The following BAIAP2 variants were observed in gnomAD, a reference collection of about 807,000 sequenced individuals.
BAIAP2 encodes BAR/IMD domain containing adaptor protein 2.
BAIAP2 carries 18 observed loss-of-function variants against 63.0 expected under a neutral mutation model. The ratio of observed to expected loss-of-function variants is 0.29; its 90% confidence interval spans 0.20 to 0.42. BAIAP2 has a LOEUF of 0.42. Among genes scored for constraint, BAIAP2 ranks in the 10% least tolerant of loss-of-function variants. BAIAP2 has a pLI of 1.00. For missense variants in BAIAP2, 610 were observed against 734.3 expected (o/e 0.83, Z 1.96); for synonymous variants, 386 against 307.6 (o/e 1.25, Z -2.67).
At chr17:81,071,077 C>T (rs2052548722) in intron 3 of BAIAP2, among the ~76,000 whole-genome samples, 1 of 151,042 alleles carries the variant, frequency 6.6e-6, no homozygotes, top group African/African-American at 2.4e-5. Context: ...CTACCGTCAT[C>T]ACCATGGCAA....
At chr17:81,038,724 GCTTTTC>G (rs2046645262) in intron 1 of BAIAP2, among the ~76,000 whole-genome samples, 1 of 152,244 alleles carries the variant, frequency 6.6e-6, no homozygotes, top group East Asian at 1.9e-4. Context: ...CACACTGCCG[GCTTTTC>G]TGCTCCGTGC....
intron 1 of BAIAP2, among the ~76,000 whole-genome samples, chr17:81,041,723 C>A (rs374217915): frequency 6.6e-6 from 1 of 151,914 alleles, no homozygotes; most frequent in Non-Finnish European, 1.5e-5. Context: ...TACAGGCATG[C>A]GCCACCACGC....
chr17:81,073,270 G>A (rs1029339110), intron 3 of BAIAP2, among the ~76,000 whole-genome samples: 9 of 152,274 alleles, frequency 5.9e-5, no homozygotes, highest in African/African-American at 2.2e-4. Flanking sequence ...TGGTTACCCA[G>A]GAGTTCAGAA....
intron 3 of BAIAP2, among the ~76,000 whole-genome samples, chr17:81,061,494 G>T (rs1004068751): frequency 4.6e-5 from 7 of 152,180 alleles, no homozygotes; most frequent in African/African-American, 9.7e-5. Context: ...GCATGCATTT[G>T]CTGGAGTTTT....
At chr17:81,092,238 C>T (rs918536656) in intron 6 of BAIAP2, among the ~76,000 whole-genome samples, 1 of 152,248 alleles carries the variant, frequency 6.6e-6, no homozygotes, top group Non-Finnish European at 1.5e-5. Context: ...TGCTGGGCAG[C>T]GAGGCTGGGC....
intron 1 of BAIAP2, among the ~76,000 whole-genome samples, chr17:81,044,223 C>T (rs988202932): frequency 2.6e-5 from 4 of 152,256 alleles, no homozygotes; most frequent in African/African-American, 7.2e-5. Context: ...GAGCCCAGCC[C>T]GAAAGACCGG....
chr17:81,067,082 G>A (rs1020156372), intron 3 of BAIAP2, among the ~76,000 whole-genome samples: 2 of 152,244 alleles, frequency 1.3e-5, no homozygotes, highest in African/African-American at 2.4e-5. Flanking sequence ...TGAGAGGGAA[G>A]CGAGATGCCC....
In BAIAP2 at chr17:81,102,158, G is replaced by A. The variant is rs559924148; in HGVS notation, c.643-1344G>A. ...GGCCTGTGTCCCACAGACCCACTTA[G>A]AGACGAGCCTCTGGGCTGGGGGCCA... On this transcript the variant is annotated intron_variant, in intron 7 of 13. Coordinates refer to ENST00000428708, the MANE Select transcript of BAIAP2 (RefSeq NM_001144888.2). 4.7e-4 allele frequency among the ~76,000 whole-genome samples: 51 copies of A among 107,430 alleles called. No homozygotes were observed. In the South Asian group the frequency reaches 0.012, roughly 26 times the overall value. 70.5% of individuals were successfully genotyped at this position (107,430 alleles called of 152,430 possible).
intron 1 of BAIAP2, among the ~76,000 whole-genome samples, chr17:81,049,079 C>G (rs1462222779): frequency 6.6e-6 from 1 of 152,230 alleles, no homozygotes; most frequent in Admixed American, 6.5e-5. Context: ...AAGTCCGTGC[C>G]GGCCCGGGAA....
intron 9 of BAIAP2, 72 bp downstream of exon 9, chr17:81,104,180 A>G (rs57792378): frequency 2.6e-6 from 4 of 1,515,522 alleles, no homozygotes; most frequent in Non-Finnish European, 2.7e-6. Flanking sequence ...TCATGCCACA[A>G]CCCTCAATAG....
At chr17:81,062,537 C>G (rs7501662) in intron 3 of BAIAP2, among the ~76,000 whole-genome samples, 26,651 of 152,088 alleles carry the variant, frequency 0.18, 2,504 homozygotes, top group Middle Eastern at 0.33. Context: ...TGTTTCTTCT[C>G]CTTTTGGAGC....
intron 3 of BAIAP2, among the ~76,000 whole-genome samples, chr17:81,074,345 C>G (rs117358982): frequency 6.8e-6 from 1 of 146,708 alleles, no homozygotes; most frequent in African/African-American, 2.5e-5. Context: ...TGTGAGTGTG[C>G]GTGCACTGGT....
At position 81,077,102 on chromosome 17, in the gene BAIAP2, G is replaced by T. The variant is rs543879548; in HGVS notation, c.218-7730G>T. Among the ~76,000 whole-genome samples, 12 of 152,318 alleles carry T rather than the reference G, an allele frequency of 7.9e-5. No individual in the cohort carries two copies. The South Asian group carries it at 2.5e-3, about 32-fold the overall frequency. On this transcript the variant is annotated intron_variant, in intron 3 of 13. Transcript: ENST00000428708. Reference sequence around the variant, plus strand: ...GTGATTGAAGTGTTGGGAATAGGCCGCTCCACAGAGATGCCGTGAGACTGG... The same window carrying T: ...GTGATTGAAGTGTTGGGAATAGGCCTCTCCACAGAGATGCCGTGAGACTGG...
In BAIAP2 at chr17:81,035,211, T is replaced by TGCGTCCCCCGCTC. The variant is rs761414709; in HGVS notation, c.-43_-31dup. On this transcript the variant is annotated 5_prime_UTR_variant, in exon 1 of 14. Coordinates refer to ENST00000428708, the MANE Select transcript of BAIAP2 (RefSeq NM_001144888.2). ...CGTTACCGCCGCTGCTGCCGCCGCT[T>TGCGTCCCCCGCTC]GCGTCCCCCGCTCCGGTCTGTGGTG... The TGCGTCCCCCGCTC allele has an allele frequency of 2.8e-5, 40 of 1,448,140 alleles. No individual in the cohort carries two copies. The highest frequency in any genetic ancestry group is 3.6e-5 in the Non-Finnish European group (39 of 1,087,802). 89.7% of individuals were successfully genotyped at this position (1,448,140 alleles called of 1,614,324 possible).
chr17:81,103,797 C>T, intron 8 of BAIAP2, 74 bp downstream of exon 8: 1 of 1,579,006 alleles, frequency 6.3e-7, no homozygotes, highest in South Asian at 1.1e-5. Context: ...GGGGGGCCGC[C>T]AGGGTGCAGA....
chr17:81,103,358 G>A (rs2058740995), intron 7 of BAIAP2, 144 bp from the exon 8 acceptor site: 2 of 751,076 alleles, frequency 2.7e-6, no homozygotes, highest in African/African-American at 3.5e-5. Flanking sequence ...AGGCTCACGG[G>A]TGGCCTGTCT....
chr17:81,098,209 C>T, intron 6 of BAIAP2: 1 of 1,395,966 alleles, frequency 7.2e-7, no homozygotes, highest in South Asian at 1.6e-5. Flanking sequence ...AGTCATACAA[C>T]AAGCCCTGCA....
intron 6 of BAIAP2, among the ~76,000 whole-genome samples, chr17:81,090,281 G>A (rs983892882): frequency 2.0e-5 from 3 of 152,296 alleles, no homozygotes; most frequent in South Asian, 2.1e-4. Context: ...GAGCACTGAC[G>A]GGAAGGGCTG....
At chr17:81,040,102 C>G (rs9897600) in intron 1 of BAIAP2, among the ~76,000 whole-genome samples, 1 of 152,144 alleles carries the variant, frequency 6.6e-6, no homozygotes, top group African/African-American at 2.4e-5. Context: ...TGGGGACACT[C>G]GCCACCGTCT....
Sources: allele counts gnomAD v4.1 joint callset (sites outside exome capture counted in the v4.1 genomes callset), GRCh38; gene constraint gnomAD v4.1.1; transcripts MANE v1.5; gene names NCBI Gene and HGNC (gene_info 2026-07-23, HGNC 2026-07-21).